GJA1: variants seen among roughly 807,000 people sequenced by gnomAD.
GJA1 encodes the protein gap junction alpha-1 protein.
Under a neutral mutation model 31.0 loss-of-function variants are expected in GJA1, and 9 were observed. The observed-to-expected ratio is 0.29, with a 90% CI of 0.17 to 0.51. GJA1 has a LOEUF of 0.51. Ranked by LOEUF, GJA1 falls within the 20% of genes least tolerant of loss-of-function variation. The pLI, the probability that GJA1 is intolerant of heterozygous loss-of-function variation, is 0.98. For synonymous variants in GJA1, 186 were observed against 180.1 expected, an observed-to-expected ratio of 1.03 and a Z score of -0.26; for missense variants, 278 against 468.8, an observed-to-expected ratio of 0.59 and a Z score of 3.76.
At chr6:121,437,998 C>G (rs914113939) in intron 1 of GJA1, among the ~76,000 whole-genome samples, 2 of 152,104 alleles carry the variant, frequency 1.3e-5, no homozygotes, top group Admixed American at 6.5e-5. Flanking sequence ...TCCCCTCCCC[C>G]CCGCGCCAGG....
chr6:121,446,224 G>A (rs944375556), intron 1 of GJA1, among the ~76,000 whole-genome samples: 1 of 152,268 alleles, frequency 6.6e-6, no homozygotes, highest in Non-Finnish European at 1.5e-5. Flanking sequence ...GAACCTAAGA[G>A]GCGGAAGTTG....
chr6:121,448,022 C>G lies in GJA1; in HGVS notation c.*26C>G, dbSNP rs1773920254. The G allele has an allele frequency of 1.3e-6, 2 of 1,596,214 alleles. No individual in the cohort carries two copies. Among genetic ancestry groups the G allele is most frequent in the South Asian group, 1.1e-5 (1 of 90,676 alleles). On this transcript the variant is annotated 3_prime_UTR_variant, in exon 2 of 2. Coordinates refer to ENST00000282561, the MANE Select transcript of GJA1 (RefSeq NM_000165.5). ...ATACAGGCTTGAAAGCATCAAGATT[C>G]CACTCAATTGTGGAGAAGAAAAAAG...
chr6:121,443,112 A>C (rs10456940), intron 1 of GJA1, among the ~76,000 whole-genome samples: 34,353 of 152,152 alleles, frequency 0.23, 4,111 homozygotes, highest in Non-Finnish European at 0.26. Flanking sequence ...TAAACATATA[A>C]TTATGCCCTT....
intron 1 of GJA1, among the ~76,000 whole-genome samples, chr6:121,436,333 T>TTG (rs1773663468): frequency 4.6e-5 from 7 of 152,186 alleles, no homozygotes. Context: ...TGATTGATGT[T>TTG]CTATAGCTTT....
intron 1 of GJA1, among the ~76,000 whole-genome samples, chr6:121,437,457 A>G (rs780030961): frequency 4.0e-5 from 6 of 149,390 alleles, no homozygotes; most frequent in Non-Finnish European, 5.9e-5. Flanking sequence ...CTTAAATTGC[A>G]CTTGCAACTC....
At chr6:121,437,398 C>G (rs1017863569) in intron 1 of GJA1, among the ~76,000 whole-genome samples, 1 of 149,462 alleles carries the variant, frequency 6.7e-6, no homozygotes, top group Admixed American at 6.7e-5. Flanking sequence ...CTTGCTGAAT[C>G]CCACTATCTC....
rs1453680002 is a variant in GJA1, at chr6:121,448,336, G to A, written c.*340G>A. ...AGAATGGTTCTGTGTATGTGAATGAGCGGGTGGTAATTGTGGCTAAATATT... is the reference window on the plus strand; with the variant it reads ...AGAATGGTTCTGTGTATGTGAATGAACGGGTGGTAATTGTGGCTAAATATT... On this transcript the variant is annotated 3_prime_UTR_variant, in exon 2 of 2. Coordinates refer to ENST00000282561, the MANE Select transcript of GJA1 (RefSeq NM_000165.5). 3.1e-6 allele frequency: 1 copy of A among 320,326 alleles called. No homozygotes were observed. Among genetic ancestry groups the A allele is most frequent in the African/African-American group, 2.1e-5 (1 of 47,138 alleles). The allele number at this position is 320,326 out of a possible 1,614,324, so 19.8% of individuals were successfully genotyped here.
intron 1 of GJA1, among the ~76,000 whole-genome samples, chr6:121,437,716 T>G (rs191474218): frequency 2.0e-5 from 3 of 152,276 alleles, no homozygotes; most frequent in African/African-American, 7.2e-5. Flanking sequence ...GTGCTTCTCT[T>G]TCTCTCCAGG....
chr6:121,436,187 G>GGC (rs1554200308), intron 1 of GJA1, among the ~76,000 whole-genome samples: 1 of 128,062 alleles, frequency 7.8e-6, no homozygotes, highest in Non-Finnish European at 1.6e-5. Context: ...TGTTGGGTGG[G>GGC]GGGGGGGCGG....
In GJA1 at chr6:121,447,591, T is replaced by C. The variant is rs769000391; in HGVS notation, c.744T>C (p.His248=). 2.5e-6 allele frequency: 4 copies of C among 1,614,066 alleles called. No homozygotes were observed. In the South Asian group the frequency reaches 4.4e-5, roughly 18 times the overall value. Residue 248 remains histidine, a synonymous_variant, in exon 2 of 2, where the codon CAT becomes CAC. Coordinates refer to ENST00000282561, the MANE Select transcript of GJA1 (RefSeq NM_000165.5). ...DRVKGKSDPY[H]ATSGALSPAK... ...TTAAGGGAAAGAGCGACCCTTACCA[T>C]GCGACCAGTGGTGCGCTGAGCCCTG...
chr6:121,436,751 A>G (rs1424723498), intron 1 of GJA1, among the ~76,000 whole-genome samples: 1 of 152,170 alleles, frequency 6.6e-6, no homozygotes, highest in Non-Finnish European at 1.5e-5. Flanking sequence ...CCCCCCGCCA[A>G]CACCCGCCGC....
rs868186719 is a variant in GJA1 at position 121,447,572 on chromosome 6, G to A, written c.725G>A (p.Gly242Glu). ...AAGGGCGTTAAGGATCGGGTTAAGG[G>A]AAAGAGCGACCCTTACCATGCGACC... is the stretch of plus-strand genomic sequence containing the variant. ...FFKGVKDRVKGKSDPYHATSG... is the reference protein window; with the variant it reads ...FFKGVKDRVKEKSDPYHATSG... Residue 242 changes from glycine to glutamate, a missense_variant, in exon 2 of 2, where the codon GGA becomes GAA. Physicochemically the swap from Gly to Glu is moderately conservative, Grantham distance 98. This residue lies in a region of GJA1 where 172 missense variants were observed against 190.9 expected (regional missense o/e 0.90). Transcript: ENST00000282561. 6.2e-7 allele frequency: 1 copy of A among 1,614,018 alleles called. No individual in the cohort carries two copies.
At position 121,447,862 on chromosome 6, in the gene GJA1, G is replaced by A. The variant is rs772121642; in HGVS notation, c.1015G>A (p.Asp339Asn). The A allele has an allele frequency of 9.9e-6, 16 of 1,613,666 alleles. No homozygotes were observed. The highest frequency in any genetic ancestry group is 2.2e-5 in the East Asian group (1 of 44,886). ...NSHAQPFDFP[D>N]DNQNSKKLAA... is the part of the protein sequence containing the mutation. The stretch of plus-strand genomic sequence containing the variant: ...CCATGCACAGCCTTTTGATTTCCCC[G>A]ATGATAACCAGAATTCTAAAAAACT... The change falls in exon 2 of 2, where the codon GAT becomes AAT. Residue 339 changes from aspartate to asparagine, a missense_variant. Asp to Asn is a conservative substitution (Grantham distance 23). Coordinates refer to ENST00000282561, the MANE Select transcript of GJA1 (RefSeq NM_000165.5).
intron 1 of GJA1, among the ~76,000 whole-genome samples, chr6:121,437,336 A>G (rs1773685442): frequency 6.7e-6 from 1 of 149,226 alleles, no homozygotes; most frequent in African/African-American, 2.5e-5. Flanking sequence ...CTAATTTCCC[A>G]TCCCTCTCAC....
Position 121,447,639 on chromosome 6 carries a change from A to G in GJA1, c.792A>G (p.Lys264=). Residue 264 remains lysine, a synonymous_variant, in exon 2 of 2, where the codon AAA becomes AAG. Transcript: ENST00000282561. ...CTGCCAAAGACTGTGGGTCTCAAAA[A>G]TATGCTTATTTCAATGGCTGCTCCT... The part of the protein sequence containing the change: ...LSPAKDCGSQ[K]YAYFNGCSSP... The G allele has an allele frequency of 6.2e-7, 1 of 1,613,952 alleles. No individual in the cohort carries two copies. The highest frequency in any genetic ancestry group is 1.1e-5 in the South Asian group (1 of 91,062).
intron 1 of GJA1, among the ~76,000 whole-genome samples, chr6:121,445,949 G>A (rs757310598): frequency 6.6e-6 from 1 of 152,032 alleles, no homozygotes; most frequent in East Asian, 1.9e-4. Flanking sequence ...ACAGAAAAGT[G>A]TAAATGACAA....
intron 1 of GJA1, among the ~76,000 whole-genome samples, chr6:121,446,093 C>T (rs992391775): frequency 2.0e-5 from 3 of 151,910 alleles, no homozygotes; most frequent in Non-Finnish European, 4.4e-5. Context: ...GTCAGGAGTT[C>T]GAGACCAGCC....
At chr6:121,443,824 G>A (rs570083244) in intron 1 of GJA1, among the ~76,000 whole-genome samples, 1 of 152,286 alleles carries the variant, frequency 6.6e-6, no homozygotes, top group Admixed American at 6.5e-5. Context: ...GTGATGAGAT[G>A]TATGCAAAGT....
At chr6:121,440,478 A>G (rs752224191) in intron 1 of GJA1, among the ~76,000 whole-genome samples, 43 of 152,108 alleles carry the variant, frequency 2.8e-4, no homozygotes, top group Non-Finnish European at 5.3e-4. Context: ...TGTTTCAACA[A>G]ACAGTTCTCT....
Sources: gnomAD v4.1 joint callset for allele counts (sites outside exome capture counted in the v4.1 genomes callset) on GRCh38, gnomAD v4.1.1 for gene constraint, gnomAD v4.1.1 regional missense constraint, MANE v1.5 for transcripts, NCBI Gene and HGNC (gene_info 2026-07-23, HGNC 2026-07-21) for gene names.